The following SPATC1L variants were observed in gnomAD, a reference collection of about 807,000 sequenced individuals.
SPATC1L encodes spermatogenesis and centriole associated 1 like.
SPATC1L carries 20 observed loss-of-function variants against 21.2 expected under a neutral mutation model. The ratio of observed to expected loss-of-function variants is 0.94; its 90% confidence interval spans 0.66 to 1.37. SPATC1L has a LOEUF of 1.37. Ranked by LOEUF, SPATC1L falls within the 40% of genes most tolerant of loss-of-function variation. The probability of loss-of-function intolerance (pLI) is 0.00; values close to 1 mark genes in which losing one functional copy is unlikely to be tolerated. For missense variants in SPATC1L, 499 were observed against 478.7 expected (o/e 1.04, Z -0.40); for synonymous variants, 290 against 234.5 (o/e 1.24, Z -2.16).
intron 2 of SPATC1L, 44 bp downstream of exon 2, chr21:46,182,580 G>T: frequency 7.0e-7 from 1 of 1,420,494 alleles, no homozygotes. Context: ...GGCGTCCCGC[G>T]ACCCCCTCAT....
rs74486947 is a variant in SPATC1L, at chr21:46,168,513, G to C, written c.339C>G (p.Pro113=). The change falls in exon 3 of 5, where the codon CCC becomes CCG. Residue 113 remains proline (P), a synonymous_variant. Coordinates refer to ENST00000291672, the MANE Select transcript of SPATC1L (RefSeq NM_001142854.2). ...CTGGGGGACTGAGGAAGGCCTTGAA[G>C]GGTGCCTGGGAGGGGGCTGCACAGC... The part of the protein sequence containing the change: ...SPGCAAPSQA[P]FKAFLSPPEP... 4 of 1,545,740 alleles carry C rather than the reference G, an allele frequency of 2.6e-6. No homozygotes were observed. The highest frequency in any genetic ancestry group is 3.5e-6 in the Non-Finnish European group (4 of 1,141,744).
chr21:46,168,480 A>C lies in SPATC1L; in HGVS notation c.372T>G (p.His124Gln), dbSNP rs1216268128. The C allele has an allele frequency of 7.0e-6, 11 of 1,575,254 alleles. No individual in the cohort carries two copies. The highest frequency in any genetic ancestry group is 1.9e-5 in the Admixed American group (1 of 53,868). Residue 124 changes from histidine (H) to glutamine (Q), a missense_variant, in exon 3 of 5, where the codon CAT becomes CAG. Physicochemically the swap from His to Gln is conservative, Grantham distance 24. Transcript: ENST00000291672. ...GCTTCCTGTCGGTGCCTCGGTGGCTATGTGGCTCTGGGGGACTGAGGAAGG... is the reference window on the plus strand; with the variant it reads ...GCTTCCTGTCGGTGCCTCGGTGGCTCTGTGGCTCTGGGGGACTGAGGAAGG... The part of the protein sequence containing the change: ...FKAFLSPPEP[H>Q]SHRGTDRKLS...
chr21:46,175,052 G>A (rs2073473669), intron 2 of SPATC1L, among the ~76,000 whole-genome samples: 1 of 152,196 alleles, frequency 6.6e-6, no homozygotes, highest in African/African-American at 2.4e-5. Flanking sequence ...ACCCGCCCCT[G>A]AATGACTTTT....
At position 46,168,549 on chromosome 21, in the gene SPATC1L, GTCGTCC is replaced by G; in HGVS notation, c.297_302del (p.Glu99_Asp100del). 1 of 1,508,816 alleles carries G rather than the reference GTCGTCC, an allele frequency of 6.6e-7. No individual in the cohort carries two copies. Among genetic ancestry groups the G allele is most frequent in the South Asian group, 1.2e-5 (1 of 80,902 alleles). The allele number at this position is 1,508,816 out of a possible 1,614,324, so 93.5% of individuals were successfully genotyped here. On this transcript the variant is annotated inframe_deletion, in exon 3 of 5. Transcript: ENST00000291672. ...AGGGGGCTGCACAGCCCGGGGAGGTGTCGTCCTCGCTGGACAGGGGGGCATGTGAGC... is the reference window on the plus strand; with the variant it reads ...AGGGGGCTGCACAGCCCGGGGAGGTGTCGCTGGACAGGGGGGCATGTGAGC...
Position 46,161,249 on chromosome 21 carries a change from C to CG in SPATC1L, c.*129dup, listed in dbSNP as rs2079482900. The CG allele has an allele frequency of 3.5e-6, 3 of 849,572 alleles. No individual in the cohort carries two copies. Among genetic ancestry groups the CG allele is most frequent in the Non-Finnish European group, 5.1e-6 (3 of 593,262 alleles). 52.6% of individuals were successfully genotyped at this position (849,572 alleles called of 1,614,324 possible). Reference sequence around the variant, plus strand: ...GGTCGGGGCCCAGCACCGGTGGGAGCGGGGCCTTCTCTGGCCTCGCGCGCG... The same window carrying CG: ...GGTCGGGGCCCAGCACCGGTGGGAGCGGGGGCCTTCTCTGGCCTCGCGCGCG... On this transcript the variant is annotated 3_prime_UTR_variant, in exon 5 of 5. Transcript: ENST00000291672.
chr21:46,182,333 C>T (rs1422211278), intron 2 of SPATC1L, among the ~76,000 whole-genome samples: 4 of 152,228 alleles, frequency 2.6e-5, no homozygotes, highest in African/African-American at 4.8e-5. Flanking sequence ...CACAAGCCTG[C>T]GCGCCACCTG....
At chr21:46,179,308 G>A (rs1335721583) in intron 2 of SPATC1L, among the ~76,000 whole-genome samples, 1 of 152,008 alleles carries the variant, frequency 6.6e-6, no homozygotes, top group African/African-American at 2.4e-5. Flanking sequence ...CATTTTAGGA[G>A]GTCGAGACAG....
intron 2 of SPATC1L, among the ~76,000 whole-genome samples, chr21:46,180,440 C>G (rs545580710): frequency 6.6e-6 from 1 of 152,292 alleles, no homozygotes; most frequent in South Asian, 2.1e-4. Context: ...CCCTCCATGG[C>G]GTTTATAAGT....
intron 3 of SPATC1L, among the ~76,000 whole-genome samples, chr21:46,162,813 C>A (rs2079512431): frequency 6.6e-6 from 1 of 152,146 alleles, no homozygotes; most frequent in South Asian, 2.1e-4. Context: ...TCTCGAACTG[C>A]TGACCTCAGG....
chr21:46,168,557 C>T lies in SPATC1L; in HGVS notation c.295G>A (p.Glu99Lys), dbSNP rs780571636. ...GCACAGCCCGGGGAGGTGTCGTCCTCGCTGGACAGGGGGGCATGTGAGCAC... is the reference window on the plus strand; with the variant it reads ...GCACAGCCCGGGGAGGTGTCGTCCTTGCTGGACAGGGGGGCATGTGAGCAC... ...LLCSHAPLSS[E>K]DDTSPGCAAP... Residue 99 changes from glutamate (E) to lysine (K), a missense_variant, in exon 3 of 5, where the codon GAG becomes AAG. Physicochemically the swap from Glu to Lys is moderately conservative, Grantham distance 56 (BLOSUM62 1). Coordinates refer to ENST00000291672, the MANE Select transcript of SPATC1L (RefSeq NM_001142854.2). 25 of 1,496,374 alleles carry T rather than the reference C, an allele frequency of 1.7e-5. No individual in the cohort carries two copies. The highest frequency in any genetic ancestry group is 2.1e-5 in the Admixed American group (1 of 48,192). The allele number at this position is 1,496,374 out of a possible 1,614,324, so 92.7% of individuals were successfully genotyped here.
intron 3 of SPATC1L, among the ~76,000 whole-genome samples, chr21:46,165,942 A>C (rs1263496093): frequency 3.9e-5 from 6 of 152,244 alleles, no homozygotes; most frequent in Admixed American, 3.9e-4. Context: ...TCAGCGGTGA[A>C]TTCTACCACT....
intron 3 of SPATC1L, among the ~76,000 whole-genome samples, chr21:46,165,323 TATC>T (rs1218116541): frequency 3.9e-5 from 6 of 152,238 alleles, no homozygotes; most frequent in Admixed American, 2.0e-4. Context: ...TAAAGAATCT[TATC>T]ATGATTTCCT....
intron 3 of SPATC1L, among the ~76,000 whole-genome samples, chr21:46,166,311 A>C (rs1405496004): frequency 2.0e-5 from 3 of 152,184 alleles, no homozygotes; most frequent in Non-Finnish European, 4.4e-5. Context: ...GGTTGCAGTG[A>C]GCCAAGATTG....
At chr21:46,176,495 A>G (rs8127883) in intron 2 of SPATC1L, among the ~76,000 whole-genome samples, 3 of 151,976 alleles carry the variant, frequency 2.0e-5, no homozygotes, top group African/African-American at 7.3e-5. Context: ...AACAATCAAG[A>G]CAAGAGCCAA....
rs983680899 is a variant in SPATC1L at position 46,163,637 on chromosome 21, T to G, written c.545-1570A>C. Among the ~76,000 whole-genome samples, 15 of 152,236 alleles carry G rather than the reference T, an allele frequency of 9.9e-5. 1 individual carries two copies. The East Asian group carries it at 1.9e-3, about 20-fold the overall frequency. The stretch of plus-strand genomic sequence containing the variant: ...CTCCTGAATTGTCTTGGCACTCTTG[T>G]TGAAAACCATCTATGTACAGTTTTA... On this transcript the variant is annotated intron_variant, in intron 3 of 4. Transcript: ENST00000291672.
At chr21:46,177,474 A>G (rs1168786804) in intron 2 of SPATC1L, among the ~76,000 whole-genome samples, 1 of 152,244 alleles carries the variant, frequency 6.6e-6, no homozygotes, top group Admixed American at 6.5e-5. Flanking sequence ...TTCTAAAGAC[A>G]TACATACAGC....
At position 46,161,442 on chromosome 21, in the gene SPATC1L, C is replaced by A; in HGVS notation, c.960G>T (p.Leu320=). 6.3e-7 allele frequency: 1 copy of A among 1,581,874 alleles called. No homozygotes were observed. Among genetic ancestry groups the A allele is most frequent in the Non-Finnish European group, 8.6e-7 (1 of 1,163,646 alleles). ...GCTCGCACAGGCAGTTGAGCAGCAG[C>A]AGCGAGTCGCCCAGGAACTTGGGGG... ...VVPPKFLGDS[L]LLLNCLCELS... is the part of the protein sequence containing the mutation. The change falls in exon 5 of 5, where the codon CTG becomes CTT. Residue 320 remains leucine (L), a synonymous_variant. Transcript: ENST00000291672.
At chr21:46,179,272 A>G (rs1601392973) in intron 2 of SPATC1L, among the ~76,000 whole-genome samples, 1 of 151,940 alleles carries the variant, frequency 6.6e-6, no homozygotes, top group African/African-American at 2.4e-5. Flanking sequence ...TGGGCCAGGC[A>G]CGGTGGCTCA....
chr21:46,181,291 T>C (rs1313247811), intron 2 of SPATC1L, among the ~76,000 whole-genome samples: 1 of 152,108 alleles, frequency 6.6e-6, no homozygotes, highest in African/African-American at 2.4e-5. Flanking sequence ...TGGCCGCTGA[T>C]GGAGACGCAG....
Sources: allele counts gnomAD v4.1 joint callset (sites outside exome capture counted in the v4.1 genomes callset), GRCh38; gene constraint gnomAD v4.1.1; transcripts MANE v1.5; gene names NCBI Gene and HGNC (gene_info 2026-07-23, HGNC 2026-07-21).